CHRM3: variants seen among roughly 807,000 people sequenced by gnomAD.
CHRM3 encodes muscarinic acetylcholine receptor M3.
Under a neutral mutation model 41.8 loss-of-function variants are expected in CHRM3, and 11 were observed. The observed-to-expected ratio is 0.26, with a 90% CI of 0.17 to 0.44. The LOEUF (loss-of-function observed/expected upper bound fraction) is 0.44. Ranked by LOEUF, CHRM3 falls within the 20% of genes least tolerant of loss-of-function variation. The pLI is 1.00. For missense variants in CHRM3, 571 were observed against 745.4 expected, an observed-to-expected ratio of 0.77 and a Z score of 2.72; for synonymous variants, 297 against 301.4, an observed-to-expected ratio of 0.99 and a Z score of 0.15.
At chr1:239,452,868 T>C (rs549615746) in intron 1 of CHRM3, among the ~76,000 whole-genome samples, 1 of 152,194 alleles carries the variant, frequency 6.6e-6, no homozygotes, top group Non-Finnish European at 1.5e-5. Flanking sequence ...TGGCGTGATC[T>C]GGGCTCACTG....
rs778832287 is a variant in CHRM3 at position 239,913,586 on chromosome 1, G to C, written c.*4362G>C. The C allele has an allele frequency of 6.0e-6, 1 of 167,144 alleles. No homozygotes were observed. The highest frequency in any genetic ancestry group is 1.9e-4 in the East Asian group (1 of 5,178). The allele number at this position is 167,144 out of a possible 1,614,324, so 10.4% of individuals were successfully genotyped here. A position where few individuals can be genotyped will look rare whatever the true frequency, so the allele number is the denominator to read the frequency against. ...ATGTGTGAGTCAACATTGCAGACCTGAGAAAGGTTTCTAGAATGGTAACCC... is the reference window on the plus strand; with the variant it reads ...ATGTGTGAGTCAACATTGCAGACCTCAGAAAGGTTTCTAGAATGGTAACCC... On this transcript the variant is annotated 3_prime_UTR_variant, in exon 7 of 7. Transcript: ENST00000676153.
chr1:239,706,519 C>G (rs1661177427), intron 5 of CHRM3: 1 of 152,250 alleles, frequency 6.6e-6, no homozygotes, highest in Admixed American at 6.6e-5. Flanking sequence ...TTTGCTCCCT[C>G]TCGGCACTGC....
At chr1:239,853,287 A>G (rs1428766447) in intron 6 of CHRM3, among the ~76,000 whole-genome samples, 1 of 151,976 alleles carries the variant, frequency 6.6e-6, no homozygotes, top group Admixed American at 6.6e-5. Context: ...TTCGAGTTTT[A>G]TTAGAGTAAA....
intron 2 of CHRM3, among the ~76,000 whole-genome samples, chr1:239,502,567 C>G (rs890242496): frequency 6.6e-6 from 1 of 152,130 alleles, no homozygotes; most frequent in African/African-American, 2.4e-5. Context: ...AGAAGGAACC[C>G]TCGCTAATTC....
chr1:239,859,420 T>TTGTTG (rs1491248717), intron 6 of CHRM3, among the ~76,000 whole-genome samples: 88 of 14,258 alleles, frequency 6.2e-3, no homozygotes, highest in Admixed American at 0.016. Flanking sequence ...GTTGTTGTTG[T>TTGTTG]TTTTTTTTTT....
In CHRM3 at chr1:239,905,960, G is replaced by A. The variant is rs114319490; in HGVS notation, c.-19-1473G>A. On this transcript the variant is annotated intron_variant, in intron 6 of 6. Coordinates refer to ENST00000676153, the MANE Select transcript of CHRM3 (RefSeq NM_001375978.1). Reference sequence around the variant, plus strand: ...ATGTTAAAACATTTTGATGAGAAACGAAGCTTCTTTGGCCACTTATTGAAT... The same window carrying A: ...ATGTTAAAACATTTTGATGAGAAACAAAGCTTCTTTGGCCACTTATTGAAT... 6.3e-3 allele frequency among the ~76,000 whole-genome samples: 952 copies of A among 152,274 alleles called. 8 individuals carry two copies. Among genetic ancestry groups the A allele is most frequent in the African/African-American group, 0.022 (915 of 41,566 alleles).
chr1:239,543,315 G>C (rs1442379580), intron 2 of CHRM3, among the ~76,000 whole-genome samples: 1 of 152,024 alleles, frequency 6.6e-6, no homozygotes, highest in African/African-American at 2.4e-5. Context: ...GGAAAATCCT[G>C]CTGTCCCCAA....
intron 1 of CHRM3, among the ~76,000 whole-genome samples, chr1:239,425,636 C>T (rs989906806): frequency 3.9e-5 from 6 of 152,182 alleles, no homozygotes; most frequent in Non-Finnish European, 7.4e-5. Context: ...AATAAAGGCA[C>T]GTGGTAAACG....
At chr1:239,638,153 A>G (rs2148903083) in intron 4 of CHRM3, among the ~76,000 whole-genome samples, 1 of 150,746 alleles carries the variant, frequency 6.6e-6, no homozygotes, top group African/African-American at 2.4e-5. Flanking sequence ...TTCTTAATCC[A>G]GTCTATCATT....
intron 3 of CHRM3, among the ~76,000 whole-genome samples, chr1:239,576,624 CA>C (rs1662387782): frequency 3.7e-5 from 5 of 135,388 alleles, no homozygotes; most frequent in Admixed American, 3.0e-4. Flanking sequence ...ACACACACAA[CA>C]AACAAACAAA....
intron 6 of CHRM3, among the ~76,000 whole-genome samples, chr1:239,873,547 G>A (rs544111276): frequency 5.6e-4 from 84 of 150,882 alleles, no homozygotes; most frequent in African/African-American, 1.6e-3. Flanking sequence ...CTATGTCCAT[G>A]TGTTCTCATT....
intron 1 of CHRM3, among the ~76,000 whole-genome samples, chr1:239,456,827 T>C (rs1385531416): frequency 1.3e-5 from 2 of 152,170 alleles, no homozygotes; most frequent in East Asian, 3.9e-4. Context: ...CCCCAGAGCA[T>C]GTTCTAGTGA....
At chr1:239,564,646 T>C (rs1019401265) in intron 3 of CHRM3, among the ~76,000 whole-genome samples, 2 of 152,156 alleles carry the variant, frequency 1.3e-5, no homozygotes, top group African/African-American at 4.8e-5. Context: ...TGCAACCAAC[T>C]ATAGTTTTTA....
intron 5 of CHRM3, among the ~76,000 whole-genome samples, chr1:239,786,701 C>T (rs986410670): frequency 2.7e-5 from 4 of 148,748 alleles, no homozygotes; most frequent in African/African-American, 1.0e-4. Context: ...GTGCCGAGGG[C>T]AGGCGGGCCT....
chr1:239,415,638 G>C (rs1661435681), intron 1 of CHRM3, among the ~76,000 whole-genome samples: 1 of 152,182 alleles, frequency 6.6e-6, no homozygotes, highest in African/African-American at 2.4e-5. Flanking sequence ...TTGTTCATTA[G>C]TATATTGCTG....
chr1:239,855,037 C>G (rs1646932827), intron 6 of CHRM3, among the ~76,000 whole-genome samples: 1 of 152,156 alleles, frequency 6.6e-6, no homozygotes, highest in Admixed American at 6.5e-5. Context: ...TTGTTTCTGG[C>G]AATGCCCTTC....
At chr1:239,875,691 A>T (rs1677056298) in intron 6 of CHRM3, among the ~76,000 whole-genome samples, 1 of 152,172 alleles carries the variant, frequency 6.6e-6, no homozygotes. Flanking sequence ...GTCGCTTTGC[A>T]TTCATTTTGC....
At chr1:239,495,544 G>T (rs1667824342) in intron 2 of CHRM3, among the ~76,000 whole-genome samples, 2 of 152,138 alleles carry the variant, frequency 1.3e-5, no homozygotes, top group South Asian at 4.1e-4. Flanking sequence ...GCTCTCTGAA[G>T]TTACAGTGGA....
chr1:239,902,100 A>G (rs888763954), intron 6 of CHRM3, among the ~76,000 whole-genome samples: 6 of 152,188 alleles, frequency 3.9e-5, no homozygotes, highest in Non-Finnish European at 8.8e-5. Flanking sequence ...TCTCTACCAG[A>G]GTATTTAAAA....
Sources: gnomAD v4.1 joint callset for allele counts (sites outside exome capture counted in the v4.1 genomes callset) on GRCh38, gnomAD v4.1.1 for gene constraint, MANE v1.5 for transcripts, NCBI Gene and HGNC (gene_info 2026-07-23, HGNC 2026-07-21) for gene names.